BRD4: variants seen among roughly 807,000 people sequenced by gnomAD.
BRD4 encodes the protein bromodomain containing 4.
A neutral mutation model predicts 142.1 loss-of-function variants in BRD4; 16 were observed. That is an observed-to-expected ratio of 0.11 (90% CI 0.08 to 0.17). The LOEUF (loss-of-function observed/expected upper bound fraction) is 0.17. BRD4 is among the 10% of genes least tolerant of loss of function. BRD4 has a pLI of 1.00. For synonymous variants in BRD4, 833 were observed against 707.5 expected (o/e 1.18, Z -2.82); for missense variants, 1,424 against 1,810.9 (o/e 0.79, Z 3.88).
intron 1 of BRD4, among the ~76,000 whole-genome samples, chr19:15,320,681 G>A (rs1420254796): frequency 6.6e-6 from 1 of 152,160 alleles, no homozygotes; most frequent in Admixed American, 6.5e-5. Flanking sequence ...GCCCACCCAA[G>A]TAACTCCTGA....
intron 1 of BRD4, among the ~76,000 whole-genome samples, chr19:15,317,191 C>T (rs932953011): frequency 7.2e-5 from 11 of 152,220 alleles, no homozygotes; most frequent in Admixed American, 2.6e-4. Flanking sequence ...CACCACCTTC[C>T]GTATCTGCAA....
chr19:15,279,864 C>G (rs1471436542), intron 1 of BRD4, among the ~76,000 whole-genome samples: 53 of 152,236 alleles, frequency 3.5e-4, no homozygotes, highest in Admixed American at 3.3e-3. Context: ...ATCCTGCCTT[C>G]ATTCTGTCTG....
chr19:15,281,847 A>C (rs1357499679), intron 1 of BRD4, among the ~76,000 whole-genome samples: 1 of 152,078 alleles, frequency 6.6e-6, no homozygotes, highest in African/African-American at 2.4e-5. Context: ...GTGAAACCCT[A>C]TCTCTACTAA....
In BRD4 at chr19:15,239,615, C is replaced by T. The variant is rs762152914; in HGVS notation, c.3445+44G>A. Reference sequence around the variant, plus strand: ...CAGCAAGCTTATGTCCAACACGGGCCTCGGGGGGCCTGAGCCCTGGCTGTG... The same window carrying T: ...CAGCAAGCTTATGTCCAACACGGGCTTCGGGGGGCCTGAGCCCTGGCTGTG... On this transcript the variant is annotated intron_variant, in intron 16 of 19. Coordinates refer to ENST00000679869, the MANE Select transcript of BRD4 (RefSeq NM_001379291.1). This position sits in a 1 kb window ranked among gnomAD's most constrained non-coding sequence, Gnocchi z 7.4. 1 of 1,557,490 alleles carries T rather than the reference C, an allele frequency of 6.4e-7. No homozygotes were observed. Among genetic ancestry groups the T allele is most frequent in the East Asian group, 2.2e-5 (1 of 44,542 alleles).
At chr19:15,244,937 G>T (rs1182955015) in intron 11 of BRD4, 175 bp from the exon 12 acceptor site, 3 of 1,177,774 alleles carry the variant, frequency 2.5e-6, no homozygotes, top group African/African-American at 3.1e-5. Flanking sequence ...GGAGAGACAT[G>T]CGAGGCATCA....
chr19:15,245,087 C>A (rs1024795332), intron 11 of BRD4: 1 of 442,358 alleles, frequency 2.3e-6, no homozygotes, highest in Non-Finnish European at 4.1e-6. Flanking sequence ...CAGTCACTCA[C>A]TATAGTGACT....
At chr19:15,329,374 A>G (rs916573935) in intron 1 of BRD4, among the ~76,000 whole-genome samples, 7 of 152,214 alleles carry the variant, frequency 4.6e-5, no homozygotes, top group Non-Finnish European at 8.8e-5. Flanking sequence ...CACACTATAC[A>G]GTAGGTTGTC....
chr19:15,253,735 T>C (rs772933841), intron 11 of BRD4: 1 of 1,598,394 alleles, frequency 6.3e-7, no homozygotes, highest in Non-Finnish European at 8.5e-7. Flanking sequence ...CACGTGACTG[T>C]GATACGGGGA....
At chr19:15,308,553 C>T (rs545117350) in intron 1 of BRD4, among the ~76,000 whole-genome samples, 59 of 150,984 alleles carry the variant, frequency 3.9e-4, no homozygotes, top group African/African-American at 1.4e-3. Flanking sequence ...CGCCACTGCA[C>T]TCCCGCCTGG....
chr19:15,296,626 C>G (rs2047825164), intron 1 of BRD4, among the ~76,000 whole-genome samples: 1 of 152,140 alleles, frequency 6.6e-6, no homozygotes, highest in African/African-American at 2.4e-5. Context: ...CTGAAGTGGA[C>G]AGGGAGCCAA....
intron 1 of BRD4, among the ~76,000 whole-genome samples, chr19:15,289,278 G>A (rs1175132581): frequency 4.6e-5 from 7 of 152,188 alleles, no homozygotes. Flanking sequence ...ACAGCTGGGT[G>A]CGGTGGCTCA....
At position 15,259,092 on chromosome 19, in the gene BRD4, C is replaced by T. The variant is rs142014190; in HGVS notation, c.1342-1919G>A. Among the ~76,000 whole-genome samples, 313 of 151,414 alleles carry T rather than the reference C, an allele frequency of 2.1e-3. 1 individual carries two copies. The highest frequency in any genetic ancestry group is 3.8e-3 in the Non-Finnish European group (260 of 68,006). ...TCCCTAGCCCTGCAGCACCCGGCTA[C>T]GTGGCAGGTGGGTAGTGCCCTGGAT... On this transcript the variant is annotated intron_variant, in intron 7 of 19. Transcript: ENST00000679869.
intron 7 of BRD4, chr19:15,257,412 C>T (rs1568384936): frequency 2.2e-5 from 12 of 548,770 alleles, no homozygotes; most frequent in Non-Finnish European, 3.6e-5. Flanking sequence ...CCAGAGATAG[C>T]GGGGCACTCA....
chr19:15,308,657 GA>G (rs955364575), intron 1 of BRD4, among the ~76,000 whole-genome samples: 17 of 151,030 alleles, frequency 1.1e-4, no homozygotes. Context: ...AAATTTGTAA[GA>G]AAAAAATTGA....
intron 11 of BRD4, chr19:15,253,089 T>G: frequency 4.0e-6 from 1 of 251,856 alleles, no homozygotes; most frequent in South Asian, 1.4e-4. Context: ...AAAACACAGG[T>G]TTCCCACTGT....
chr19:15,318,454 G>C (rs921293491), intron 1 of BRD4, among the ~76,000 whole-genome samples: 1 of 152,204 alleles, frequency 6.6e-6, no homozygotes, highest in Non-Finnish European at 1.5e-5. Flanking sequence ...TGAGGAGAAA[G>C]AGAGTGGCAC....
chr19:15,292,777 C>CAAAAAAAAAAAAAAAAAAAAAAAA (rs57341445), intron 1 of BRD4, among the ~76,000 whole-genome samples: 16 of 57,254 alleles, frequency 2.8e-4, no homozygotes, highest in Non-Finnish European at 3.9e-4. Flanking sequence ...GACTCCGTCT[C>CAAAAAAAAAAAAAAAAAAAAAAAA]AAAAAAAAAA....
intron 1 of BRD4, among the ~76,000 whole-genome samples, chr19:15,298,549 G>T (rs1389272138): frequency 7.0e-6 from 1 of 143,784 alleles, no homozygotes; most frequent in African/African-American, 2.6e-5. Flanking sequence ...TGAACCCGGG[G>T]GGCAGCGGTT....
chr19:15,330,298 T>C (rs1358484584), intron 1 of BRD4, among the ~76,000 whole-genome samples: 1 of 152,208 alleles, frequency 6.6e-6, no homozygotes, highest in Admixed American at 6.5e-5. Flanking sequence ...ATACATTTTG[T>C]TTCAGATTAG....
Sources: gnomAD v4.1 joint callset for allele counts (sites outside exome capture counted in the v4.1 genomes callset) on GRCh38, gnomAD v4.1.1 for gene constraint, Gnocchi (gnomAD v3.1) non-coding constraint, MANE v1.5 for transcripts, NCBI Gene and HGNC (gene_info 2026-07-23, HGNC 2026-07-21) for gene names.